Variants in EYA1 observed in about 807,000 individuals in gnomAD.
EYA1 encodes protein phosphatase EYA1.
Under a neutral mutation model 82.0 loss-of-function variants are expected in EYA1, and 16 were observed. The observed-to-expected ratio is 0.20, with a 90% CI of 0.13 to 0.30. The LOEUF is 0.30. Ranked by LOEUF, EYA1 falls within the 10% of genes least tolerant of loss-of-function variation. The pLI is 1.00. For synonymous variants in EYA1, 261 were observed against 264.4 expected, an observed-to-expected ratio of 0.99 and a Z score of 0.12; for missense variants, 633 against 730.7, an observed-to-expected ratio of 0.87 and a Z score of 1.54.
intron 2 of EYA1, among the ~76,000 whole-genome samples, chr8:71,414,303 C>T (rs1249495327): frequency 1.3e-5 from 2 of 152,250 alleles, no homozygotes; most frequent in East Asian, 3.9e-4. Context: ...TGGAGGAATA[C>T]GTGTTTCATT....
At chr8:71,224,623 G>A (rs1810342167) in intron 12 of EYA1, among the ~76,000 whole-genome samples, 1 of 152,220 alleles carries the variant, frequency 6.6e-6, no homozygotes, top group Non-Finnish European at 1.5e-5. Flanking sequence ...GGTAGTTCTA[G>A]TACTTTAGTG....
At chr8:71,227,682 T>C (rs982409459) in intron 12 of EYA1, among the ~76,000 whole-genome samples, 2 of 152,210 alleles carry the variant, frequency 1.3e-5, no homozygotes, top group African/African-American at 4.8e-5. Context: ...TATTTTTTTT[T>C]CTGGAGCAAT....
intron 11 of EYA1, among the ~76,000 whole-genome samples, chr8:71,265,850 A>T (rs1815729152): frequency 6.6e-6 from 1 of 152,200 alleles, no homozygotes; most frequent in Non-Finnish European, 1.5e-5. Flanking sequence ...CAAGCTCTTC[A>T]ATTTCCTAAC....
intron 12 of EYA1, among the ~76,000 whole-genome samples, chr8:71,243,130 T>C (rs961347135): frequency 6.6e-5 from 10 of 152,290 alleles, no homozygotes; most frequent in African/African-American, 1.7e-4. Flanking sequence ...AGGAAATTAC[T>C]ACAAATTTCT....
At chr8:71,312,450 TTA>T (rs1821443654) in intron 7 of EYA1, among the ~76,000 whole-genome samples, 1 of 152,218 alleles carries the variant, frequency 6.6e-6, no homozygotes, top group South Asian at 2.1e-4. Flanking sequence ...TATTTATTAT[TTA>T]GTTAGTTTTT....
intron 2 of EYA1, among the ~76,000 whole-genome samples, chr8:71,377,682 A>G (rs970051908): frequency 5.3e-5 from 8 of 152,128 alleles, no homozygotes; most frequent in Admixed American, 6.6e-5. Flanking sequence ...TCATTCATCC[A>G]CATAATTTTT....
At chr8:71,225,854 T>TCC (rs1469623824) in intron 12 of EYA1, among the ~76,000 whole-genome samples, 2 of 152,214 alleles carry the variant, frequency 1.3e-5, no homozygotes, top group African/African-American at 4.8e-5. Flanking sequence ...TGTTATAATA[T>TCC]CCTTTAGAGA....
intron 11 of EYA1, among the ~76,000 whole-genome samples, chr8:71,251,311 C>A (rs948563752): frequency 2.0e-5 from 3 of 152,126 alleles, no homozygotes; most frequent in African/African-American, 7.2e-5. Context: ...TCTTGTTTAA[C>A]GAAGAAATTG....
intron 2 of EYA1, among the ~76,000 whole-genome samples, chr8:71,471,876 G>A (rs1809237629): frequency 6.6e-6 from 1 of 151,976 alleles, no homozygotes; most frequent in Non-Finnish European, 1.5e-5. Context: ...CCCTTTTATA[G>A]CCCATCTTTG....
rs760310979 is a variant in EYA1, at chr8:71,535,764, G to C, written c.13C>G (p.Arg5Gly). 1.8e-5 allele frequency: 27 copies of C among 1,518,836 alleles called. No homozygotes were observed. In the African/African-American group the frequency reaches 2.9e-4, roughly 16 times the overall value. 94.1% of individuals were successfully genotyped at this position (1,518,836 alleles called of 1,614,324 possible). A position where few individuals can be genotyped will look rare whatever the true frequency, so the allele number is the denominator to read the frequency against. Residue 5 changes from arginine (R) to glycine (G), a missense_variant, in exon 2 of 19, where the codon CGG (arginine) becomes GGG (glycine). Physicochemically the swap from Arg to Gly is moderately radical, Grantham distance 125 (BLOSUM62 -2). Coordinates refer to the EYA1 transcript ENST00000643681. ...CTTACAGACTGTCCATTTATCCCCC[G>C]GGGGTCTTCCATTGAAGACTTCTTC...
At chr8:71,213,681 T>A (rs993673158) in intron 16 of EYA1, among the ~76,000 whole-genome samples, 1 of 152,212 alleles carries the variant, frequency 6.6e-6, no homozygotes, top group Non-Finnish European at 1.5e-5. Context: ...CCTGGATGAA[T>A]CCCATCAGCA....
intron 2 of EYA1, among the ~76,000 whole-genome samples, chr8:71,472,811 A>ATATATATATATG (rs988307541): frequency 4.7e-5 from 7 of 147,818 alleles, no homozygotes; most frequent in Non-Finnish European, 1.0e-4. Context: ...ATATATATAT[A>ATATATATATATG]TATCTGTCAG....
At position 71,208,584 on chromosome 8, in the gene EYA1, G is replaced by T. The variant is rs142460468; in HGVS notation, c.1698+2572C>A. On this transcript the variant is annotated intron_variant, in intron 17 of 17. Coordinates refer to ENST00000340726, the MANE Select transcript of EYA1 (RefSeq NM_000503.6). ...TATTGAGCACCCATTTGTCAAAGCT[G>T]TCAGGATTAGAATCTACCAGGAAGT... is the stretch of plus-strand genomic sequence containing the variant. Among the ~76,000 whole-genome samples, 14 of 152,254 alleles carry T rather than the reference G, an allele frequency of 9.2e-5. No homozygotes were observed. In the East Asian group the frequency reaches 2.5e-3, roughly 27 times the overall value.
At chr8:71,285,945 T>G (rs1818320675) in intron 9 of EYA1, among the ~76,000 whole-genome samples, 1 of 152,190 alleles carries the variant, frequency 6.6e-6, no homozygotes, top group African/African-American at 2.4e-5. Flanking sequence ...AATATATACA[T>G]AATAACTATA....
At chr8:71,224,228 G>T (rs1170661700) in intron 12 of EYA1, among the ~76,000 whole-genome samples, 4 of 152,202 alleles carry the variant, frequency 2.6e-5, no homozygotes. Context: ...TCCAAATCCT[G>T]CTGATCAAGG....
chr8:71,206,923 T>G (rs1807855803), intron 17 of EYA1, among the ~76,000 whole-genome samples: 1 of 133,476 alleles, frequency 7.5e-6, no homozygotes, highest in Non-Finnish European at 1.6e-5. Context: ...GCCCGGGTAA[T>G]TTTTATATCT....
At chr8:71,503,814 C>A (rs1024915202) in intron 2 of EYA1, among the ~76,000 whole-genome samples, 2 of 152,196 alleles carry the variant, frequency 1.3e-5, no homozygotes, top group African/African-American at 4.8e-5. Context: ...ATGCACCCAG[C>A]ATCCCCACAG....
intron 11 of EYA1, among the ~76,000 whole-genome samples, chr8:71,256,999 C>CA (rs59906012): frequency 0.012 from 1,738 of 146,072 alleles, 26 homozygotes; most frequent in African/African-American, 0.036. Context: ...AACTCCATCT[C>CA]AAAAAAAAAA....
Position 71,409,064 on chromosome 8 carries a change from G to T in EYA1, c.34-52553C>A, listed in dbSNP as rs1409532314. On this transcript the variant is annotated intron_variant, in intron 2 of 18. Transcript: ENST00000643681. The stretch of plus-strand genomic sequence containing the variant: ...CAATCAAACTAGAACTCAGGATTAA[G>T]AATCTCACTCAAAGCCGCTCAACTA... 1.6e-3 allele frequency among the ~76,000 whole-genome samples: 185 copies of T among 115,880 alleles called. 2 individuals carry two copies. The highest frequency in any genetic ancestry group is 6.9e-3 in the African/African-American group (178 of 25,970). The allele number at this position is 115,880 out of a possible 152,430, so 76.0% of individuals were successfully genotyped here.
Sources: allele counts gnomAD v4.1 joint callset (sites outside exome capture counted in the v4.1 genomes callset), GRCh38; gene constraint gnomAD v4.1.1; transcripts MANE v1.5; gene names NCBI Gene and HGNC (gene_info 2026-07-23, HGNC 2026-07-21).